Variants in IL1RAPL2 observed in about 807,000 individuals in gnomAD.
The protein encoded by IL1RAPL2 is X-linked interleukin-1 receptor accessory protein-like 2.
IL1RAPL2 carries 3 observed loss-of-function variants against 44.1 expected under a neutral mutation model. That is an observed-to-expected ratio of 0.07 (90% CI 0.03 to 0.18). The LOEUF is 0.18. IL1RAPL2 is among the 10% of genes least tolerant of loss of function. IL1RAPL2 has a pLI of 1.00. For synonymous variants in IL1RAPL2, 181 were observed against 178.8 expected (o/e 1.01, Z -0.10); for missense variants, 391 against 496.4 (o/e 0.79, Z 2.02).
At chrX:105,665,731 TTTG>T (rs1404826846) in intron 6 of IL1RAPL2, among the ~76,000 whole-genome samples, 6 of 62,087 alleles carry the variant, frequency 9.7e-5, no homozygotes, top group Admixed American at 2.8e-4. Context: ...TTTTTGTTTT[TTTG>T]TTTTTTTGTT....
At chrX:104,999,223 G>A (rs143252456) in intron 2 of IL1RAPL2, among the ~76,000 whole-genome samples, 10 of 111,708 alleles carry the variant, frequency 9.0e-5, no homozygotes, top group African/African-American at 3.2e-4. Context: ...ATTGGAACAG[G>A]GACACACCAT....
chrX:105,568,297 T>A (rs1381128355), intron 6 of IL1RAPL2, among the ~76,000 whole-genome samples: 2 of 112,084 alleles, frequency 1.8e-5, no homozygotes. Context: ...ACTTGGATTT[T>A]GTGATACTCT....
At chrX:104,667,966 CTG>C (rs1343147388) in intron 2 of IL1RAPL2, among the ~76,000 whole-genome samples, 1 of 111,469 alleles carries the variant, frequency 9.0e-6, no homozygotes, top group Non-Finnish European at 1.9e-5. Context: ...TTGACATTGA[CTG>C]TGAAGACTGG....
chrX:105,047,750 C>T (rs1006437267), intron 2 of IL1RAPL2, among the ~76,000 whole-genome samples: 10 of 111,578 alleles, frequency 9.0e-5, no homozygotes, highest in African/African-American at 3.3e-4. Context: ...ATATTCATAC[C>T]TTTGAAAAGA....
chrX:105,622,931 C>A (rs1187647083), intron 6 of IL1RAPL2, among the ~76,000 whole-genome samples: 1 of 110,795 alleles, frequency 9.0e-6, no homozygotes, highest in Non-Finnish European at 1.9e-5. Flanking sequence ...GTTTGTCTGT[C>A]CCTCATGTGA....
chrX:104,661,218 C>T (rs1412245483), intron 2 of IL1RAPL2, among the ~76,000 whole-genome samples: 2 of 111,358 alleles, frequency 1.8e-5, no homozygotes, highest in Non-Finnish European at 1.9e-5. Context: ...CTCTGCTTCT[C>T]CTTCCCTTTA....
intron 8 of IL1RAPL2, among the ~76,000 whole-genome samples, chrX:105,745,565 C>T (rs2038534121): frequency 8.9e-6 from 1 of 112,213 alleles, no homozygotes; most frequent in South Asian, 3.7e-4. Context: ...TTCTTTGTGT[C>T]CTCACATGGC....
intron 2 of IL1RAPL2, among the ~76,000 whole-genome samples, chrX:105,036,879 G>A (rs2031639080): frequency 9.6e-6 from 1 of 103,876 alleles, no homozygotes; most frequent in African/African-American, 3.5e-5. Context: ...GCTCATAGAT[G>A]TCTACATAAT....
chrX:104,940,523 T>C (rs1925137473), intron 2 of IL1RAPL2, among the ~76,000 whole-genome samples: 1 of 111,131 alleles, frequency 9.0e-6, no homozygotes, highest in South Asian at 3.8e-4. Flanking sequence ...AGAAGTTAGG[T>C]CTCAAGATTT....
At chrX:104,945,656 A>G (rs191951275) in intron 2 of IL1RAPL2, among the ~76,000 whole-genome samples, 35 of 112,165 alleles carry the variant, frequency 3.1e-4, no homozygotes, top group African/African-American at 9.4e-4. Context: ...CTTCTTTTAC[A>G]TGCACCCAAA....
rs772102628 is a variant in IL1RAPL2 at position 105,078,420 on chromosome X, G to A, written c.83-117055G>A. Reference sequence around the variant, plus strand: ...TTTTGTCTCAGAGGAGTACCCGGGAGTGTGAGGTGTCAGTCCGCCCCTACT... The same window carrying A: ...TTTTGTCTCAGAGGAGTACCCGGGAATGTGAGGTGTCAGTCCGCCCCTACT... On this transcript the variant is annotated intron_variant, in intron 2 of 10. Transcript: ENST00000372582. Among the ~76,000 whole-genome samples the A allele has an allele frequency of 4.8e-3, 534 of 111,333 alleles. 3 individuals are homozygous for A. Among genetic ancestry groups the A allele is most frequent in the African/African-American group, 0.017 (512 of 30,656 alleles).
chrX:105,075,000 G>A (rs2032270761), intron 2 of IL1RAPL2, among the ~76,000 whole-genome samples: 1 of 111,364 alleles, frequency 9.0e-6, no homozygotes, highest in East Asian at 2.8e-4. Flanking sequence ...GGGACAATTT[G>A]ACTTCCTCTT....
intron 6 of IL1RAPL2, among the ~76,000 whole-genome samples, chrX:105,533,661 T>C (rs752962426): frequency 1.8e-5 from 2 of 112,667 alleles, no homozygotes; most frequent in African/African-American, 3.2e-5. Context: ...TTTGTATCTA[T>C]AATTATTTGA....
intron 1 of IL1RAPL2, among the ~76,000 whole-genome samples, chrX:104,581,816 A>G (rs1463984080): frequency 9.0e-6 from 1 of 111,405 alleles, no homozygotes; most frequent in African/African-American, 3.3e-5. Flanking sequence ...GGTGTGAGCC[A>G]CCATGCTTGG....
chrX:105,476,433 AG>A (rs1217545277), intron 5 of IL1RAPL2, among the ~76,000 whole-genome samples: 4 of 112,131 alleles, frequency 3.6e-5, no homozygotes, highest in African/African-American at 1.3e-4. Context: ...TACATGTAAA[AG>A]TATCTGAAGT....
chrX:105,164,181 G>A (rs1316224582), intron 2 of IL1RAPL2, among the ~76,000 whole-genome samples: 1 of 111,268 alleles, frequency 9.0e-6, no homozygotes, highest in African/African-American at 3.3e-5. Flanking sequence ...ATCGGGCTGT[G>A]TCTCAGAAGC....
chrX:105,030,270 T>G (rs2031463304), intron 2 of IL1RAPL2, among the ~76,000 whole-genome samples: 1 of 111,359 alleles, frequency 9.0e-6, no homozygotes, highest in African/African-American at 3.3e-5. Context: ...TTTGTCAATT[T>G]TGGCTTTTGT....
chrX:105,259,097 A>G (rs2034337224), intron 4 of IL1RAPL2, among the ~76,000 whole-genome samples: 1 of 102,017 alleles, frequency 9.8e-6, no homozygotes, highest in Non-Finnish European at 2.0e-5. Flanking sequence ...TACAGTCAAT[A>G]GGTGTTTCTG....
At chrX:105,012,637 T>A (rs1276118336) in intron 2 of IL1RAPL2, among the ~76,000 whole-genome samples, 32 of 71,843 alleles carry the variant, frequency 4.5e-4, no homozygotes, top group African/African-American at 2.0e-3. Context: ...TCTCTCTCTC[T>A]CTCTCTCTCA....
Sources: allele counts gnomAD v4.1 joint callset (sites outside exome capture counted in the v4.1 genomes callset), GRCh38; gene constraint gnomAD v4.1.1; transcripts MANE v1.5; gene names NCBI Gene and HGNC (gene_info 2026-07-23, HGNC 2026-07-21).